The following CAMK2A variants were observed in gnomAD, a reference collection of about 807,000 sequenced individuals.
CAMK2A encodes calcium/calmodulin dependent protein kinase II alpha.
Under a neutral mutation model 79.2 loss-of-function variants are expected in CAMK2A, and 7 were observed. That is an observed-to-expected ratio of 0.09 (90% CI 0.05 to 0.17). The LOEUF (loss-of-function observed/expected upper bound fraction) is 0.17, where lower values mean the gene tolerates loss of function less well. CAMK2A is among the 10% of genes least tolerant of loss of function. The pLI is 1.00. For missense variants in CAMK2A, 214 were observed against 646.4 expected (o/e 0.33, Z 7.25); for synonymous variants, 242 against 251.7 (o/e 0.96, Z 0.36).
In CAMK2A at chr5:150,277,418, G is replaced by C. The variant is rs1756995169; in HGVS notation, c.63-4259C>G. Among the ~76,000 whole-genome samples the C allele has an allele frequency of 1.3e-5, 2 of 152,246 alleles. 1 individual carries two copies. The highest frequency in any genetic ancestry group is 1.3e-4 in the Admixed American group (2 of 15,290). On this transcript the variant is annotated intron_variant, in intron 1 of 18. Transcript: ENST00000671881. ...TGGAAATCAGCACTGATGGGGGCCAGCGAGGGGGGCTCTGCACAGGGAGGC... is the reference window on the plus strand; with the variant it reads ...TGGAAATCAGCACTGATGGGGGCCACCGAGGGGGGCTCTGCACAGGGAGGC...
chr5:150,263,360 ACACT>A (rs1444373699), intron 3 of CAMK2A, among the ~76,000 whole-genome samples: 2 of 152,084 alleles, frequency 1.3e-5, no homozygotes, highest in Non-Finnish European at 2.9e-5. Flanking sequence ...ACATTCACAC[ACACT>A]CACATACATG....
At chr5:150,225,520 C>T (rs991476336) in intron 17 of CAMK2A, among the ~76,000 whole-genome samples, 3 of 152,168 alleles carry the variant, frequency 2.0e-5, no homozygotes, top group Admixed American at 2.0e-4. Flanking sequence ...GGCTGCATGG[C>T]TTCCTCTCTG....
intron 16 of CAMK2A, among the ~76,000 whole-genome samples, chr5:150,230,902 T>C (rs1467685652): frequency 1.3e-5 from 2 of 152,172 alleles, no homozygotes; most frequent in Non-Finnish European, 2.9e-5. Flanking sequence ...CAAGGGAGTC[T>C]AGGGTGAGCA....
rs538534812 is a variant in CAMK2A, at chr5:150,282,184, C to T, written c.62+7380G>A. On this transcript the variant is annotated intron_variant, in intron 1 of 18. Coordinates refer to ENST00000671881, the MANE Select transcript of CAMK2A (RefSeq NM_015981.4). ...CAGACTCTAAAAGATGCTGCAGGGACGCAGTGTGCTCGAGCTGTCCCACAC... is the reference window on the plus strand; with the variant it reads ...CAGACTCTAAAAGATGCTGCAGGGATGCAGTGTGCTCGAGCTGTCCCACAC... 1.1e-3 allele frequency among the ~76,000 whole-genome samples: 170 copies of T among 152,254 alleles called. 1 individual carries two copies. The highest frequency in any genetic ancestry group is 3.6e-3 in the African/African-American group (149 of 41,550).
chr5:150,226,744 A>AGGGGG (rs530069538), intron 17 of CAMK2A, among the ~76,000 whole-genome samples: 38 of 84,440 alleles, frequency 4.5e-4, no homozygotes, highest in South Asian at 1.1e-3. Context: ...AAAAAAAAAA[A>AGGGGG]GGGGGGGGGG....
At position 150,289,755 on chromosome 5, in the gene CAMK2A, T is replaced by A. The variant is rs1008821851; in HGVS notation, c.-130A>T. 1 of 676,002 alleles carries A rather than the reference T, an allele frequency of 1.5e-6. No individual in the cohort carries two copies. Among genetic ancestry groups the A allele is most frequent in the Admixed American group, 2.4e-5 (1 of 41,250 alleles). 41.9% of individuals were successfully genotyped at this position (676,002 alleles called of 1,614,324 possible). A position where few individuals can be genotyped will look rare whatever the true frequency, so the allele number is the denominator to read the frequency against. ...AGTGCAAACAGAGAACCGGTTTGACTGACGAGCCCGGGGCTTCTGAGCAGG... is the reference window on the plus strand; with the variant it reads ...AGTGCAAACAGAGAACCGGTTTGACAGACGAGCCCGGGGCTTCTGAGCAGG... On this transcript the variant is annotated 5_prime_UTR_variant, in exon 1 of 19. Coordinates refer to ENST00000671881, the MANE Select transcript of CAMK2A (RefSeq NM_015981.4).
chr5:150,248,567 T>C (rs1366721285), intron 11 of CAMK2A, among the ~76,000 whole-genome samples: 1 of 143,478 alleles, frequency 7.0e-6, no homozygotes, highest in Non-Finnish European at 1.5e-5. Flanking sequence ...TTCCCATCCA[T>C]GAGTGAGAAC....
At chr5:150,246,239 T>A (rs1478893029) in intron 12 of CAMK2A, among the ~76,000 whole-genome samples, 1 of 152,032 alleles carries the variant, frequency 6.6e-6, no homozygotes, top group Non-Finnish European at 1.5e-5. Context: ...CATTCCAAGT[T>A]CCCTACTTGC....
intron 16 of CAMK2A, among the ~76,000 whole-genome samples, chr5:150,230,320 A>G (rs1754785430): frequency 8.0e-6 from 1 of 124,462 alleles, no homozygotes; most frequent in Non-Finnish European, 1.8e-5. Flanking sequence ...TCCGTCTCAA[A>G]AAAAAAAAAA....
chr5:150,247,916 T>C, intron 11 of CAMK2A, 102 bp from the exon 12 acceptor site: 1 of 946,110 alleles, frequency 1.1e-6, no homozygotes, highest in South Asian at 1.4e-5. Flanking sequence ...AGGCAGGTGC[T>C]GCATTCAGAG....
chr5:150,230,254 G>A (rs529311557), intron 16 of CAMK2A, among the ~76,000 whole-genome samples: 98 of 139,308 alleles, frequency 7.0e-4, no homozygotes, highest in Middle Eastern at 8.6e-3. Context: ...GGAGACGGAG[G>A]TTGCAGTGAG....
At chr5:150,252,220 AC>A (rs1189977081) in intron 7 of CAMK2A, among the ~76,000 whole-genome samples, 155 bp from the exon 8 acceptor site, 2 of 151,928 alleles carry the variant, frequency 1.3e-5, no homozygotes, top group Non-Finnish European at 2.9e-5. Flanking sequence ...GTATTGTGCA[AC>A]CCCAGTCGGC....
At chr5:150,248,699 T>C (rs970914014) in intron 11 of CAMK2A, among the ~76,000 whole-genome samples, 6 of 152,030 alleles carry the variant, frequency 3.9e-5, no homozygotes, top group African/African-American at 1.5e-4. Flanking sequence ...TATTCCACGG[T>C]GTATATGTGC....
intron 2 of CAMK2A, among the ~76,000 whole-genome samples, chr5:150,270,402 A>G (rs1410388340): frequency 6.6e-6 from 1 of 152,214 alleles, no homozygotes; most frequent in East Asian, 1.9e-4. Context: ...AGACTAGATT[A>G]AAAATACATA....
chr5:150,219,720 C>T lies in CAMK2A; in HGVS notation c.*2990G>A, dbSNP rs1280089991. The T allele has an allele frequency of 6.6e-6, 1 of 152,002 alleles. No homozygotes were observed. Among genetic ancestry groups the T allele is most frequent in the Non-Finnish European group, 1.5e-5 (1 of 67,900 alleles). 9.4% of individuals were successfully genotyped at this position (152,002 alleles called of 1,614,324 possible). On this transcript the variant is annotated 3_prime_UTR_variant, in exon 19 of 19. Coordinates refer to ENST00000671881, the MANE Select transcript of CAMK2A (RefSeq NM_015981.4). Reference sequence around the variant, plus strand: ...CACGGGGAGTCTGGCAAACTCATCCCCCAAAAGGGTCTCCCTTTGAAGGGA... The same window carrying T: ...CACGGGGAGTCTGGCAAACTCATCCTCCAAAAGGGTCTCCCTTTGAAGGGA...
intron 11 of CAMK2A, among the ~76,000 whole-genome samples, chr5:150,249,151 G>C (rs1452590054): frequency 1.2e-4 from 18 of 152,264 alleles, no homozygotes; most frequent in Non-Finnish European, 2.1e-4. Context: ...TTCCACAAGA[G>C]CTGGGGCCTC....
chr5:150,265,442 G>A (rs17111102), intron 2 of CAMK2A: 7,473 of 168,892 alleles, frequency 0.044, 363 homozygotes, highest in African/African-American at 0.12. Flanking sequence ...CCCACCTGCC[G>A]TTCACTGGCC....
chr5:150,279,642 C>T (rs561136518), intron 1 of CAMK2A, among the ~76,000 whole-genome samples: 19 of 152,250 alleles, frequency 1.2e-4, no homozygotes, highest in African/African-American at 2.4e-4. Context: ...CCAAGGTGGA[C>T]GTGTGTGGGA....
At chr5:150,246,820 T>A (rs1755588430) in intron 12 of CAMK2A, among the ~76,000 whole-genome samples, 1 of 152,236 alleles carries the variant, frequency 6.6e-6, no homozygotes, top group Non-Finnish European at 1.5e-5. Context: ...ACCCACTCAA[T>A]GCAGCCAGCT....
Sources: allele counts gnomAD v4.1 joint callset (sites outside exome capture counted in the v4.1 genomes callset), GRCh38; gene constraint gnomAD v4.1.1; transcripts MANE v1.5; gene names NCBI Gene and HGNC (gene_info 2026-07-23, HGNC 2026-07-21).